MYO18B: variants seen among roughly 807,000 people sequenced by gnomAD.
MYO18B encodes unconventional myosin-XVIIIb.
Under a neutral mutation model 273.0 loss-of-function variants are expected in MYO18B, and 204 were observed. That is an observed-to-expected ratio of 0.75 (90% CI 0.67 to 0.84). The LOEUF is 0.84. Ranked by LOEUF, MYO18B falls within the 40% of genes least tolerant of loss-of-function variation. The pLI, the probability that MYO18B is intolerant of heterozygous loss-of-function variation, is 0.00. For synonymous variants in MYO18B, 1,330 were observed against 1,305.7 expected (o/e 1.02, Z -0.40); for missense variants, 3,212 against 3,287.6 (o/e 0.98, Z 0.56).
intron 25 of MYO18B, among the ~76,000 whole-genome samples, chr22:25,889,177 A>C (rs2091587963): frequency 6.6e-6 from 1 of 151,696 alleles, no homozygotes; most frequent in Non-Finnish European, 1.5e-5. Flanking sequence ...TTGGGGATAT[A>C]TTTTTTTTAT....
chr22:25,856,130 G>C (rs1379097072), intron 21 of MYO18B, among the ~76,000 whole-genome samples: 3 of 152,156 alleles, frequency 2.0e-5, no homozygotes, highest in Non-Finnish European at 4.4e-5. Flanking sequence ...TTTTATAGCA[G>C]CTGTACCATT....
chr22:25,885,603 G>C (rs2091474070), intron 25 of MYO18B, among the ~76,000 whole-genome samples: 1 of 152,138 alleles, frequency 6.6e-6, no homozygotes, highest in Admixed American at 6.5e-5. Context: ...ATGGGTTAGA[G>C]ATGAGGCATG....
intron 42 of MYO18B, among the ~76,000 whole-genome samples, chr22:26,013,738 T>G (rs959962481): frequency 5.9e-5 from 9 of 152,354 alleles, no homozygotes; most frequent in Admixed American, 2.0e-4. Context: ...CAAATTTTCA[T>G]CTTCACTCAC....
Position 25,769,361 on chromosome 22 carries a change from A to G in MYO18B, c.1445A>G (p.Lys482Arg), listed in dbSNP as rs774420193. 5 of 1,575,912 alleles carry G rather than the reference A, an allele frequency of 3.2e-6. No individual in the cohort carries two copies. In the East Asian group the frequency reaches 1.2e-4, roughly 37 times the overall value. Reference sequence around the variant, plus strand: ...GATGCAGAAAGGCCTCGGATACGGAAGGAGAACCAAGACGGGCCAGCCCCG... The same window carrying G: ...GATGCAGAAAGGCCTCGGATACGGAGGGAGAACCAAGACGGGCCAGCCCCG... ...EKDAERPRIR[K>R]ENQDGPAPQE... Residue 482 changes from lysine (K) to arginine (R), a missense_variant, in exon 4 of 44, where the codon AAG (lysine) becomes AGG (arginine). Physicochemically the swap from Lys to Arg is conservative, Grantham distance 26. Transcript: ENST00000335473.
chr22:25,876,380 C>T (rs2091199358), intron 24 of MYO18B, 48 bp downstream of exon 24: 3 of 1,546,664 alleles, frequency 1.9e-6, no homozygotes, highest in Non-Finnish European at 2.6e-6. Flanking sequence ...TCCCCACACC[C>T]TGCTCCTCCT....
chr22:25,910,881 C>T, intron 32 of MYO18B, 65 bp from the exon 33 acceptor site: 1 of 1,315,672 alleles, frequency 7.6e-7, no homozygotes, highest in South Asian at 1.3e-5. Context: ...AGGGTCCTTG[C>T]CTTGTAGGAT....
At chr22:25,967,498 T>C (rs1052195483) in intron 39 of MYO18B, among the ~76,000 whole-genome samples, 1 of 152,202 alleles carries the variant, frequency 6.6e-6, no homozygotes, top group Non-Finnish European at 1.5e-5. Flanking sequence ...CTTTTTACTG[T>C]TCTTTTTTGA....
chr22:25,742,410 A>T (rs568954256), intron 1 of MYO18B, 117 bp downstream of exon 1: 19 of 151,980 alleles, frequency 1.3e-4, no homozygotes, highest in African/African-American at 4.6e-4. Context: ...GGTCTATTTT[A>T]GGCCTTTCTG....
intron 41 of MYO18B, 48 bp downstream of exon 41, chr22:26,003,357 T>G (rs757149884): frequency 6.5e-7 from 1 of 1,532,134 alleles, no homozygotes; most frequent in South Asian, 1.2e-5. Context: ...GGTGAGCCCC[T>G]GGCTCTCTCT....
chr22:25,773,262 A>G (rs111903044), intron 7 of MYO18B, among the ~76,000 whole-genome samples: 2,724 of 152,268 alleles, frequency 0.018, 71 homozygotes, highest in African/African-American at 0.06. Context: ...GGAAGGTGCC[A>G]GGCGAGCAAC....
Position 25,818,118 on chromosome 22 carries a change from C to T in MYO18B, c.2522-5387C>T, listed in dbSNP as rs1016106120. Among the ~76,000 whole-genome samples, 5 of 152,218 alleles carry T rather than the reference C, an allele frequency of 3.3e-5. No homozygotes were observed. The East Asian group carries it at 5.8e-4, about 18-fold the overall frequency. On this transcript the variant is annotated intron_variant, in intron 12 of 43. Transcript: ENST00000335473. ...TCCTTGTCTCCTAATCTCCTTGCCTCCTGGTGGGTGGAGAGAAAAGTACCT... is the reference window on the plus strand; with the variant it reads ...TCCTTGTCTCCTAATCTCCTTGCCTTCTGGTGGGTGGAGAGAAAAGTACCT...
intron 10 of MYO18B, among the ~76,000 whole-genome samples, chr22:25,782,108 A>T (rs1209017291): frequency 1.3e-5 from 2 of 151,884 alleles, no homozygotes; most frequent in African/African-American, 2.4e-5. Context: ...GATAATTTAC[A>T]TTCAGCTCTT....
chr22:25,786,496 A>AG (rs935916067), intron 11 of MYO18B, among the ~76,000 whole-genome samples: 1 of 151,768 alleles, frequency 6.6e-6, no homozygotes, highest in Non-Finnish European at 1.5e-5. Context: ...CTGGTGCAAA[A>AG]AAAAAAAAAA....
chr22:26,003,443 G>A, intron 41 of MYO18B, 134 bp downstream of exon 41: 1 of 783,360 alleles, frequency 1.3e-6, no homozygotes, highest in Non-Finnish European at 2.2e-6. Context: ...TGCCTTCATG[G>A]TCATAACCTA....
intron 42 of MYO18B, among the ~76,000 whole-genome samples, chr22:26,026,216 C>T (rs754604821): frequency 6.6e-5 from 10 of 152,174 alleles, no homozygotes; most frequent in Non-Finnish European, 1.2e-4. Context: ...CTCAAATGTA[C>T]TTAGCTGGGT....
chr22:25,871,854 C>T (rs566697647), intron 22 of MYO18B, among the ~76,000 whole-genome samples: 14 of 152,200 alleles, frequency 9.2e-5, no homozygotes, highest in African/African-American at 3.1e-4. Context: ...AGGCTTATTC[C>T]CATTCTGTGT....
the MYO18B span, among the ~76,000 whole-genome samples, chr22:26,060,844 T>A: frequency 9.2e-6 from 1 of 109,048 alleles, no homozygotes; most frequent in Non-Finnish European, 1.7e-5. Context: ...ATACACAATA[T>A]ACACATATAC....
rs753097059 is a variant in MYO18B at position 25,891,304 on chromosome 22, A to G, written c.4435A>G (p.Ser1479Gly). 1.9e-5 allele frequency: 30 copies of G among 1,563,162 alleles called. No individual in the cohort carries two copies. The highest frequency in any genetic ancestry group is 2.5e-5 in the Non-Finnish European group (29 of 1,152,550). Residue 1479 changes from serine to glycine, a missense_variant and splice_region_variant, in exon 27 of 44, where the codon AGC (serine) becomes GGC (glycine). By Grantham distance (56) the Ser-to-Gly change is moderately conservative. Coordinates refer to ENST00000335473, the MANE Select transcript of MYO18B (RefSeq NM_032608.7). ...QAFREVQELK[S>G]KHEQVQKKLG... The stretch of plus-strand genomic sequence containing the variant: ...TTAGACCTTGAGCCCTTTCTTCTAG[A>G]GCAAGCATGAACAAGTCCAGAAAAA...
intron 22 of MYO18B, 66 bp from the exon 23 acceptor site, chr22:25,874,220 A>G (rs2091127070): frequency 1.9e-6 from 3 of 1,577,898 alleles, no homozygotes; most frequent in Non-Finnish European, 2.6e-6. Context: ...CTGATTTGCA[A>G]GCACCCCCCC....
Sources: gnomAD v4.1 joint callset for allele counts (sites outside exome capture counted in the v4.1 genomes callset) on GRCh38, gnomAD v4.1.1 for gene constraint, MANE v1.5 for transcripts, NCBI Gene and HGNC (gene_info 2026-07-23, HGNC 2026-07-21) for gene names.